The following PCDH9 variants were observed in gnomAD, a reference collection of about 807,000 sequenced individuals.
PCDH9 encodes the protein protocadherin-9.
In PCDH9, 24 loss-of-function variants were observed where a neutral mutation model predicts 70.6. The observed-to-expected ratio is 0.34, with a 90% CI of 0.25 to 0.48. The LOEUF (loss-of-function observed/expected upper bound fraction) is 0.48. Among genes scored for constraint, PCDH9 ranks in the 20% least tolerant of loss-of-function variants. The pLI is 0.99. For synonymous variants in PCDH9, 562 were observed against 558.5 expected (o/e 1.01, Z -0.09); for missense variants, 1,281 against 1,503.6 (o/e 0.85, Z 2.45).
chr13:66,484,731 G>A (rs1958910244), intron 4 of PCDH9, among the ~76,000 whole-genome samples: 2 of 152,086 alleles, frequency 1.3e-5, no homozygotes, highest in South Asian at 4.1e-4. Flanking sequence ...AAGAGTGGGC[G>A]ATCTGAATTC....
intron 2 of PCDH9, among the ~76,000 whole-genome samples, chr13:67,135,218 G>C (rs759898124): frequency 1.2e-4 from 18 of 152,142 alleles, no homozygotes; most frequent in Admixed American, 4.6e-4. Context: ...GTTGTGAATT[G>C]TTAAAATATA....
intron 2 of PCDH9, among the ~76,000 whole-genome samples, chr13:66,921,899 G>T (rs1052138253): frequency 3.3e-5 from 5 of 151,178 alleles, no homozygotes; most frequent in Non-Finnish European, 5.9e-5. Context: ...ATTAGTAGCT[G>T]ATTTCACATA....
intron 2 of PCDH9, among the ~76,000 whole-genome samples, chr13:67,187,380 T>A (rs2088785615): frequency 6.6e-6 from 1 of 152,176 alleles, no homozygotes; most frequent in Non-Finnish European, 1.5e-5. Flanking sequence ...TGTCCGCGAA[T>A]GGATTTGATT....
chr13:66,652,839 A>G (rs9529111), intron 3 of PCDH9, among the ~76,000 whole-genome samples: 128,843 of 152,042 alleles, frequency 0.85, 55,313 homozygotes, highest in Admixed American at 0.92. Context: ...ACACAAATCC[A>G]TACATCCACA....
intron 2 of PCDH9, among the ~76,000 whole-genome samples, chr13:66,959,089 T>G (rs2083306140): frequency 6.6e-6 from 1 of 152,210 alleles, no homozygotes; most frequent in South Asian, 2.1e-4. Context: ...TGGGTTAATA[T>G]AATTTTAAAT....
chr13:66,497,855 G>C (rs991188280), intron 4 of PCDH9, among the ~76,000 whole-genome samples: 1 of 117,978 alleles, frequency 8.5e-6, no homozygotes, highest in African/African-American at 3.3e-5. Flanking sequence ...TTCTCACTCT[G>C]TCACCCAGGC....
chr13:67,005,848 G>C (rs1355502166), intron 2 of PCDH9, among the ~76,000 whole-genome samples: 1 of 152,154 alleles, frequency 6.6e-6, no homozygotes, highest in East Asian at 1.9e-4. Flanking sequence ...CTGCCCTATA[G>C]CCAGAATGGC....
At position 66,536,596 on chromosome 13, in the gene PCDH9, A is replaced by T. The variant is rs186394770; in HGVS notation, c.3340+94614T>A. On this transcript the variant is annotated intron_variant, in intron 4 of 4. Transcript: ENST00000377865. Reference sequence around the variant, plus strand: ...TTTTTGTATTTTCAAGACAATACAAATACAAATGACCAAGAATAACTTGGA... The same window carrying T: ...TTTTTGTATTTTCAAGACAATACAATTACAAATGACCAAGAATAACTTGGA... 9.5e-4 allele frequency among the ~76,000 whole-genome samples: 145 copies of T among 152,304 alleles called. No individual in the cohort carries two copies. In the East Asian group the frequency reaches 9.6e-3, roughly 10 times the overall value.
chr13:66,767,379 C>T (rs1729672485), intron 3 of PCDH9, among the ~76,000 whole-genome samples: 3 of 152,124 alleles, frequency 2.0e-5, no homozygotes, highest in South Asian at 2.1e-4. Context: ...ACTTTTCATT[C>T]CATGTCGCAT....
rs540755562 is a variant in PCDH9 at position 66,662,469 on chromosome 13, G to A, written c.3139-31058C>T. Among the ~76,000 whole-genome samples the A allele has an allele frequency of 3.9e-4, 59 of 149,486 alleles. No individual in the cohort carries two copies. The South Asian group carries it at 9.5e-3, about 24-fold the overall frequency. On this transcript the variant is annotated intron_variant, in intron 3 of 4. Coordinates refer to ENST00000377865, the MANE Select transcript of PCDH9 (RefSeq NM_203487.3). ...GCCTGGGCAACAAAAGTGAAACTCC[G>A]TCTCAAAAAAAAAAAGAATGTCACA...
chr13:67,117,337 CCTT>C (rs1438576609), intron 2 of PCDH9, among the ~76,000 whole-genome samples: 1 of 152,138 alleles, frequency 6.6e-6, no homozygotes, highest in Non-Finnish European at 1.5e-5. Flanking sequence ...GCACTATTGT[CCTT>C]CTTGAAGAAT....
At chr13:66,936,705 A>G (rs1293412683) in intron 2 of PCDH9, among the ~76,000 whole-genome samples, 1 of 152,228 alleles carries the variant, frequency 6.6e-6, no homozygotes, top group Non-Finnish European at 1.5e-5. Flanking sequence ...ATAATAATAG[A>G]AGCAATGACA....
chr13:66,849,517 T>TAG lies in PCDH9; in HGVS notation c.3138+53985_3138+53986dup, dbSNP rs58589562. Among the ~76,000 whole-genome samples the TAG allele has an allele frequency of 1.4e-3, 92 of 63,562 alleles. 1 individual carries two copies. Among genetic ancestry groups the TAG allele is most frequent in the African/African-American group, 4.1e-3 (49 of 12,058 alleles). 41.7% of individuals were successfully genotyped at this position (63,562 alleles called of 152,430 possible). ...ATATATATATATATATATATATATA[T>TAG]AGAGAGAGAGAGAGAGAGAGAGAGA... On this transcript the variant is annotated intron_variant, in intron 3 of 4. Coordinates refer to ENST00000377865, the MANE Select transcript of PCDH9 (RefSeq NM_203487.3).
chr13:67,098,287 T>A (rs545497607), intron 2 of PCDH9, among the ~76,000 whole-genome samples: 122 of 152,306 alleles, frequency 8.0e-4, no homozygotes, highest in African/African-American at 2.8e-3. Flanking sequence ...AGCATTGGCA[T>A]CTGTTAAGTA....
intron 3 of PCDH9, among the ~76,000 whole-genome samples, chr13:66,835,150 G>A (rs2080994591): frequency 6.6e-6 from 1 of 152,166 alleles, no homozygotes; most frequent in African/African-American, 2.4e-5. Flanking sequence ...TCGTCAGCCA[G>A]GCCTAGTTCC....
chr13:66,926,029 G>A (rs555571547), intron 2 of PCDH9, among the ~76,000 whole-genome samples: 2 of 151,972 alleles, frequency 1.3e-5, no homozygotes, highest in Non-Finnish European at 2.9e-5. Flanking sequence ...GTTTCCTCAC[G>A]TATTTCACAT....
At chr13:66,614,812 G>C (rs1357027433) in intron 4 of PCDH9, among the ~76,000 whole-genome samples, 1 of 152,186 alleles carries the variant, frequency 6.6e-6, no homozygotes, top group South Asian at 2.1e-4. Flanking sequence ...AGAGTACATT[G>C]AACAAAAGAG....
At chr13:66,391,334 T>G in intron 4 of PCDH9, among the ~76,000 whole-genome samples, 1 of 152,210 alleles carries the variant, frequency 6.6e-6, no homozygotes, top group East Asian at 1.9e-4. Flanking sequence ...GTGGATGTCT[T>G]GAATGTTCCT....
chr13:66,445,826 A>G (rs1184676285), intron 4 of PCDH9, among the ~76,000 whole-genome samples: 1 of 40,748 alleles, frequency 2.5e-5, no homozygotes, highest in African/African-American at 5.1e-5. Context: ...ACACATATAT[A>G]CACACACACA....
Sources: gnomAD v4.1 joint callset for allele counts (sites outside exome capture counted in the v4.1 genomes callset) on GRCh38, gnomAD v4.1.1 for gene constraint, MANE v1.5 for transcripts, NCBI Gene and HGNC (gene_info 2026-07-23, HGNC 2026-07-21) for gene names.